KAT6B: variants seen among roughly 807,000 people sequenced by gnomAD.
The protein encoded by KAT6B is histone acetyltransferase KAT6B.
KAT6B carries 10 observed loss-of-function variants against 187.5 expected under a neutral mutation model. That is an observed-to-expected ratio of 0.05 (90% CI 0.03 to 0.09). The LOEUF is 0.09. Ranked by LOEUF, KAT6B falls within the 10% of genes least tolerant of loss-of-function variation. The pLI, the probability that KAT6B is intolerant of heterozygous loss-of-function variation, is 1.00. For missense variants in KAT6B, 1,952 were observed against 2,558.9 expected (o/e 0.76, Z 5.12); for synonymous variants, 861 against 926.8 (o/e 0.93, Z 1.29).
chr10:74,875,592 A>G (rs1366598636), intron 3 of KAT6B, among the ~76,000 whole-genome samples: 1 of 151,766 alleles, frequency 6.6e-6, no homozygotes, highest in African/African-American at 2.4e-5. Flanking sequence ...CAGCCACCCA[A>G]GTAGCTGGGA....
intron 3 of KAT6B, among the ~76,000 whole-genome samples, chr10:74,846,978 G>C (rs1487052368): frequency 6.6e-6 from 1 of 152,124 alleles, no homozygotes; most frequent in Non-Finnish European, 1.5e-5. Flanking sequence ...GGAAGAGTCA[G>C]TACAAATTTT....
rs34687036 is a variant in KAT6B, at chr10:74,952,846, ATTTTT to A, written c.622-7103_622-7099del. On this transcript the variant is annotated intron_variant, in intron 3 of 17. Coordinates refer to ENST00000287239, the MANE Select transcript of KAT6B (RefSeq NM_012330.4). Reference sequence around the variant, plus strand: ...GGATTACAGGCACCATGCCTGGCTAATTTTTTTTTTTTTTTTTTTTTTTTTGTATT... The same window carrying A: ...GGATTACAGGCACCATGCCTGGCTAATTTTTTTTTTTTTTTTTTTTGTATT... Among the ~76,000 whole-genome samples, 31 of 90,534 alleles carry A rather than the reference ATTTTT, an allele frequency of 3.4e-4. No individual in the cohort carries two copies. In the East Asian group the frequency reaches 5.1e-3, roughly 15 times the overall value. The allele number at this position is 90,534 out of a possible 152,430, so 59.4% of individuals were successfully genotyped here. A position where few individuals can be genotyped will look rare whatever the true frequency, so the allele number is the denominator to read the frequency against.
intron 10 of KAT6B, 104 bp downstream of exon 10, chr10:74,979,443 AT>A: frequency 2.3e-6 from 2 of 870,542 alleles, no homozygotes; most frequent in Non-Finnish European, 1.9e-6. Context: ...TAGGAAATAA[AT>A]TTTGGTAGTC....
At chr10:74,991,765 T>C (rs887920528) in intron 13 of KAT6B, among the ~76,000 whole-genome samples, 48 of 152,228 alleles carry the variant, frequency 3.2e-4, no homozygotes, top group African/African-American at 1.1e-3. Context: ...AAGAATTTTA[T>C]AGCACTCAAA....
At chr10:74,879,791 G>A (rs1444888840) in intron 3 of KAT6B, among the ~76,000 whole-genome samples, 2 of 151,948 alleles carry the variant, frequency 1.3e-5, no homozygotes, top group African/African-American at 2.4e-5. Context: ...GTTTAGATAC[G>A]TTATTGTCTA....
At chr10:74,985,054 T>C (rs1225415994) in intron 11 of KAT6B, 26 bp from the exon 12 acceptor site, 12 of 1,605,330 alleles carry the variant, frequency 7.5e-6, no homozygotes, top group Non-Finnish European at 1.0e-5. Flanking sequence ...TTATGTTAAA[T>C]AATGTTGTCT....
Position 75,029,288 on chromosome 10 carries a change from G to A in KAT6B, c.4464G>A (p.Glu1488=). The change falls in exon 18 of 18, where the codon GAG becomes GAA. Residue 1488 remains glutamate (E), a synonymous_variant. Transcript: ENST00000287239. The surrounding 1 kb of genome is among the most constrained non-coding windows in gnomAD (Gnocchi z 6.2). ...ACCTGACAGCTTCTTGTAACAGTGA[G>A]CCCAAGGAGCTTGCTGGGGACCCTG... is the stretch of plus-strand genomic sequence containing the variant. ...GVDLTASCNS[E]PKELAGDPEA... 6.2e-7 allele frequency: 1 copy of A among 1,614,128 alleles called. No individual in the cohort carries two copies. The highest frequency in any genetic ancestry group is 8.5e-7 in the Non-Finnish European group (1 of 1,180,032).
At position 74,911,946 on chromosome 10, in the gene KAT6B, C is replaced by T. The variant is rs187178155; in HGVS notation, c.622-48024C>T. On this transcript the variant is annotated intron_variant, in intron 3 of 17. Coordinates refer to ENST00000287239, the MANE Select transcript of KAT6B (RefSeq NM_012330.4). ...TCAGCTTTCTGAGTAGCTAGGACTACATGCGTATGCCACCATGCCCACCTA... is the reference window on the plus strand; with the variant it reads ...TCAGCTTTCTGAGTAGCTAGGACTATATGCGTATGCCACCATGCCCACCTA... Among the ~76,000 whole-genome samples the T allele has an allele frequency of 5.4e-4, 82 of 152,194 alleles. 1 individual carries two copies. The highest frequency in any genetic ancestry group is 5.2e-3 in the Admixed American group (79 of 15,282).
In KAT6B at chr10:75,025,225, T is replaced by C; in HGVS notation, c.3640T>C (p.Phe1214Leu). ...EEEEGKDNHC[F>L]KNADPCRNNM... ...AGAGGAAGGAAAAGACAATCATTGC[T>C]TCAAGAATGCTGACCCTTGTAGAAG... is the stretch of plus-strand genomic sequence containing the variant. Residue 1214 changes from phenylalanine (F) to leucine (L), a missense_variant, in exon 17 of 18, where the codon TTC becomes CTC. Phe to Leu is a conservative substitution (Grantham distance 22). This residue lies in a region of KAT6B where 758 missense variants were observed against 891.4 expected (regional missense o/e 0.85). Transcript: ENST00000287239. 1 of 1,614,232 alleles carries C rather than the reference T, an allele frequency of 6.2e-7. No individual in the cohort carries two copies. The highest frequency in any genetic ancestry group is 8.5e-7 in the Non-Finnish European group (1 of 1,180,040).
intron 6 of KAT6B, among the ~76,000 whole-genome samples, chr10:74,970,820 C>A (rs1368032516): frequency 6.6e-6 from 1 of 152,114 alleles, no homozygotes; most frequent in Non-Finnish European, 1.5e-5. Flanking sequence ...GGAAATGGAA[C>A]ATTCTGTACA....
At position 74,976,017 on chromosome 10, in the gene KAT6B, G is replaced by C. The variant is rs762271578; in HGVS notation, c.1680G>C (p.Lys560Asn). 6.2e-7 allele frequency: 1 copy of C among 1,614,120 alleles called. No individual in the cohort carries two copies. The highest frequency in any genetic ancestry group is 8.5e-7 in the Non-Finnish European group (1 of 1,180,024). ...IYTTQGQSRK[K>N]GHPSYAPPKR... ...CCACTCAGGGACAGTCTCGCAAAAA[G>C]GGACACCCGAGTTATGCACCACCCA... Residue 560 changes from lysine to asparagine, a missense_variant, in exon 8 of 18, where the codon AAG (lysine) becomes AAC (asparagine). Coordinates refer to ENST00000287239, the MANE Select transcript of KAT6B (RefSeq NM_012330.4).
At chr10:74,876,730 A>G (rs113085494) in intron 3 of KAT6B, among the ~76,000 whole-genome samples, 20,532 of 151,714 alleles carry the variant, frequency 0.14, 2,174 homozygotes, top group African/African-American at 0.28. Context: ...CCTGGCCAAC[A>G]TGGTGAAACT....
chr10:74,902,701 G>A (rs946039219), intron 3 of KAT6B, among the ~76,000 whole-genome samples: 4 of 152,084 alleles, frequency 2.6e-5, no homozygotes, highest in African/African-American at 9.7e-5. Flanking sequence ...GGCATCTGTA[G>A]GAATACTCTG....
At chr10:74,993,586 C>T (rs956844618) in intron 13 of KAT6B, among the ~76,000 whole-genome samples, 2 of 152,074 alleles carry the variant, frequency 1.3e-5, no homozygotes, top group African/African-American at 4.8e-5. Context: ...TTAAATTTTG[C>T]GAGATTATAC....
intron 13 of KAT6B, among the ~76,000 whole-genome samples, chr10:75,012,991 T>G (rs555398062): frequency 6.6e-6 from 1 of 152,246 alleles, no homozygotes; most frequent in South Asian, 2.1e-4. Context: ...GAGGAACTTG[T>G]GGGATCCCAG....
chr10:74,970,989 G>T (rs557299397), intron 6 of KAT6B, among the ~76,000 whole-genome samples: 1 of 152,246 alleles, frequency 6.6e-6, no homozygotes, highest in African/African-American at 2.4e-5. Context: ...GATATGCTTT[G>T]TTGGTACAAT....
At chr10:74,899,103 G>A (rs1288670090) in intron 3 of KAT6B, among the ~76,000 whole-genome samples, 1 of 150,924 alleles carries the variant, frequency 6.6e-6, no homozygotes, top group Non-Finnish European at 1.5e-5. Flanking sequence ...GGAGGTTGCA[G>A]TGAGCTGAGA....
chr10:74,936,355 A>C (rs1849265377), intron 3 of KAT6B, among the ~76,000 whole-genome samples: 1 of 151,506 alleles, frequency 6.6e-6, no homozygotes, highest in Non-Finnish European at 1.5e-5. Flanking sequence ...GTGAGCCAAG[A>C]CTGCGCCACT....
intron 4 of KAT6B, among the ~76,000 whole-genome samples, chr10:74,966,942 A>G (rs775525976): frequency 3.9e-5 from 6 of 152,198 alleles, no homozygotes; most frequent in Non-Finnish European, 5.9e-5. Flanking sequence ...AGGTGACAGC[A>G]CTGCTTGAGT....
Sources: gnomAD v4.1 joint callset for allele counts (sites outside exome capture counted in the v4.1 genomes callset) on GRCh38, gnomAD v4.1.1 for gene constraint, gnomAD v4.1.1 regional missense constraint, Gnocchi (gnomAD v3.1) non-coding constraint, MANE v1.5 for transcripts, NCBI Gene and HGNC (gene_info 2026-07-23, HGNC 2026-07-21) for gene names.